The following NCOA3 variants were observed in gnomAD, a reference collection of about 807,000 sequenced individuals.
NCOA3 encodes nuclear receptor coactivator 3.
A neutral mutation model predicts 158.8 loss-of-function variants in NCOA3; 51 were observed. That is an observed-to-expected ratio of 0.32 (90% CI 0.26 to 0.41). NCOA3 has a LOEUF of 0.41. Among genes scored for constraint, NCOA3 ranks in the 10% least tolerant of loss-of-function variants. The pLI is 1.00. For synonymous variants in NCOA3, 537 were observed against 592.4 expected, an observed-to-expected ratio of 0.91 and a Z score of 1.36; for missense variants, 1,510 against 1,746.6, an observed-to-expected ratio of 0.86 and a Z score of 2.41.
intron 14 of NCOA3, 105 bp from the exon 15 acceptor site, chr20:47,639,472 G>A (rs1220630394): frequency 8.5e-6 from 12 of 1,418,066 alleles, no homozygotes; most frequent in Admixed American, 2.1e-5. Flanking sequence ...ATGACAAAGT[G>A]CTGTTTTGTC....
rs779479555 is a variant in NCOA3 at position 47,636,014 on chromosome 20, C to T, written c.1628C>T (p.Ser543Leu). 2.5e-6 allele frequency: 4 copies of T among 1,614,036 alleles called. No individual in the cohort carries two copies. Among genetic ancestry groups the T allele is most frequent in the African/African-American group, 1.3e-5 (1 of 74,910 alleles). Reference protein sequence around the residue: ...VGTSLLSTLSSPGPKLDNSPN... With the variant: ...VGTSLLSTLSLPGPKLDNSPN... ...ACTTCCCTTTTATCTACTCTGTCATCACCAGGCCCCAAATTGGATAACTCT... is the reference window on the plus strand; with the variant it reads ...ACTTCCCTTTTATCTACTCTGTCATTACCAGGCCCCAAATTGGATAACTCT... The change falls in exon 12 of 23, where the codon TCA (serine) becomes TTA (leucine). Residue 543 changes from serine to leucine, a missense_variant. Physicochemically the swap from Ser to Leu is moderately radical, Grantham distance 145. This residue lies in a region of NCOA3 where 1,017 missense variants were observed against 1,098.3 expected (regional missense o/e 0.93). Transcript: ENST00000371998.
intron 1 of NCOA3, among the ~76,000 whole-genome samples, chr20:47,511,544 T>TACACACACACAC (rs1248367171): frequency 4.7e-5 from 1 of 21,434 alleles, no homozygotes; most frequent in African/African-American, 8.7e-5. Context: ...TATATATATA[T>TACACACACACAC]ATATATATAT....
At chr20:47,601,319 A>G (rs2085858384) in intron 2 of NCOA3, among the ~76,000 whole-genome samples, 1 of 152,228 alleles carries the variant, frequency 6.6e-6, no homozygotes, top group Non-Finnish European at 1.5e-5. Context: ...TGCCTCTTAA[A>G]GGCACCACTT....
intron 1 of NCOA3, among the ~76,000 whole-genome samples, chr20:47,513,187 AAAAT>A (rs1485444870): frequency 1.7e-4 from 26 of 152,146 alleles, no homozygotes; most frequent in Admixed American, 1.4e-3. Context: ...TAAAAAAAAT[AAAAT>A]AAACTTGTAA....
intron 1 of NCOA3, among the ~76,000 whole-genome samples, chr20:47,504,949 C>CT (rs1433060589): frequency 7.8e-6 from 1 of 128,238 alleles, no homozygotes; most frequent in Non-Finnish European, 1.6e-5. Context: ...TTTAAAAACT[C>CT]TGCTATTGTC....
At chr20:47,635,778 A>T in intron 11 of NCOA3, 65 bp downstream of exon 11, 1 of 1,500,512 alleles carries the variant, frequency 6.7e-7, no homozygotes, top group Non-Finnish European at 8.9e-7. Context: ...CCATACTACT[A>T]TAATTCTTGT....
chr20:47,577,489 A>G (rs967535808), intron 1 of NCOA3, among the ~76,000 whole-genome samples: 1 of 152,212 alleles, frequency 6.6e-6, no homozygotes, highest in Non-Finnish European at 1.5e-5. Flanking sequence ...TTATACTCTC[A>G]TGGGACTCTG....
At chr20:47,601,153 C>G (rs2085855932) in intron 2 of NCOA3, among the ~76,000 whole-genome samples, 1 of 152,200 alleles carries the variant, frequency 6.6e-6, no homozygotes, top group Non-Finnish European at 1.5e-5. Flanking sequence ...CATGTCGTAA[C>G]ACCACGGTGG....
chr20:47,615,519 T>C (rs2086118068), intron 2 of NCOA3, among the ~76,000 whole-genome samples: 1 of 152,212 alleles, frequency 6.6e-6, no homozygotes, highest in Non-Finnish European at 1.5e-5. Flanking sequence ...GGAAAGCTGA[T>C]TAGTGCTGCT....
In NCOA3 at chr20:47,652,388, C is replaced by A; in HGVS notation, c.3947-18C>A. On this transcript the variant is annotated intron_variant, in intron 20 of 22. Coordinates refer to ENST00000371998, the MANE Select transcript of NCOA3 (RefSeq NM_181659.3). ...AGGCATTTGGGCATTTTTATTTCTT[C>A]TGTTTTATTTTTGTAAGGAATGGGA... is the stretch of plus-strand genomic sequence containing the variant. 6.4e-7 allele frequency: 1 copy of A among 1,574,740 alleles called. No individual in the cohort carries two copies. Among genetic ancestry groups the A allele is most frequent in the Non-Finnish European group, 8.7e-7 (1 of 1,149,946 alleles).
Position 47,625,365 on chromosome 20 carries a change from C to T in NCOA3, c.257-16C>T. Reference sequence around the variant, plus strand: ...TGATAGTGTGTTATTCGTTATACCACCTTCTGTCTTTTCAGGAAAAACTAT... The same window carrying T: ...TGATAGTGTGTTATTCGTTATACCATCTTCTGTCTTTTCAGGAAAAACTAT... On this transcript the variant is annotated splice_polypyrimidine_tract_variant and intron_variant, in intron 4 of 22. Transcript: ENST00000371998. The T allele has an allele frequency of 6.4e-7, 1 of 1,554,728 alleles. No individual in the cohort carries two copies. The highest frequency in any genetic ancestry group is 8.9e-7 in the Non-Finnish European group (1 of 1,126,522).
intron 1 of NCOA3, among the ~76,000 whole-genome samples, chr20:47,514,457 G>A (rs2084198502): frequency 6.6e-6 from 1 of 151,890 alleles, no homozygotes; most frequent in African/African-American, 2.4e-5. Flanking sequence ...GTACAATCTT[G>A]ACTCACTGAA....
intron 1 of NCOA3, among the ~76,000 whole-genome samples, chr20:47,574,974 AT>A (rs2085350220): frequency 6.6e-6 from 1 of 152,206 alleles, no homozygotes; most frequent in African/African-American, 2.4e-5. Context: ...GAATGGAAAT[AT>A]TTTAATCTTA....
At chr20:47,647,886 GT>G (rs140010942) in intron 18 of NCOA3, among the ~76,000 whole-genome samples, 9,900 of 130,722 alleles carry the variant, frequency 0.076, 435 homozygotes, top group Non-Finnish European at 0.11. Flanking sequence ...AATGCCTGAG[GT>G]TTTTTTTTTG....
intron 1 of NCOA3, among the ~76,000 whole-genome samples, chr20:47,527,899 C>T (rs1347077287): frequency 6.6e-6 from 1 of 152,132 alleles, no homozygotes; most frequent in Non-Finnish European, 1.5e-5. Flanking sequence ...CTTTTGCCTC[C>T]TTTTCCTTTC....
At chr20:47,640,829 A>C (rs1162168491) in intron 16 of NCOA3, among the ~76,000 whole-genome samples, 1 of 151,892 alleles carries the variant, frequency 6.6e-6, no homozygotes, top group African/African-American at 2.4e-5. Context: ...CGGAGCTTGC[A>C]GTGAGCTGAG....
intron 1 of NCOA3, among the ~76,000 whole-genome samples, chr20:47,575,719 G>A (rs150095457): frequency 1.3e-5 from 2 of 152,250 alleles, no homozygotes; most frequent in East Asian, 3.9e-4. Context: ...TATTCTAAAC[G>A]TAAAGGTAAA....
At chr20:47,529,236 C>T (rs1159563553) in intron 1 of NCOA3, among the ~76,000 whole-genome samples, 1 of 150,832 alleles carries the variant, frequency 6.6e-6, no homozygotes, top group African/African-American at 2.4e-5. Context: ...GATTCTCCTG[C>T]TTCAGCCTCC....
intron 2 of NCOA3, among the ~76,000 whole-genome samples, chr20:47,588,699 CT>C (rs974854003): frequency 6.6e-6 from 1 of 151,628 alleles, no homozygotes. Context: ...CTTCCCATTT[CT>C]TTTTTTTGAT....
Sources: allele counts gnomAD v4.1 joint callset (sites outside exome capture counted in the v4.1 genomes callset), GRCh38; gene constraint gnomAD v4.1.1; regional missense constraint gnomAD v4.1.1; transcripts MANE v1.5; gene names NCBI Gene and HGNC (gene_info 2026-07-23, HGNC 2026-07-21).